The following CAST variants were observed in gnomAD, a reference collection of about 807,000 sequenced individuals.
The protein encoded by CAST is MIR583 host.
In CAST, 76 loss-of-function variants were observed where a neutral mutation model predicts 119.6. The observed-to-expected ratio is 0.64, with a 90% CI of 0.53 to 0.77. CAST has a LOEUF of 0.77. Ranked by LOEUF, CAST falls within the 30% of genes least tolerant of loss-of-function variation. The pLI, the probability that CAST is intolerant of heterozygous loss-of-function variation, is 0.00. For synonymous variants in CAST, 319 were observed against 331.6 expected, an observed-to-expected ratio of 0.96 and a Z score of 0.41; for missense variants, 953 against 946.5, an observed-to-expected ratio of 1.01 and a Z score of -0.09.
chr5:96,550,509 T>A (rs1746108121), intron 1 of CAST, among the ~76,000 whole-genome samples: 1 of 152,138 alleles, frequency 6.6e-6, no homozygotes, highest in Non-Finnish European at 1.5e-5. Context: ...CCTCTTCTCC[T>A]CCAAAGGAAC....
At chr5:96,015,075 G>C in the CAST span, among the ~76,000 whole-genome samples, 2 of 152,164 alleles carry the variant, frequency 1.3e-5, no homozygotes, top group Non-Finnish European at 2.9e-5. Flanking sequence ...GAGAAGCTAA[G>C]TAACTTCTCT....
At chr5:96,154,227 A>G in the CAST span, among the ~76,000 whole-genome samples, 8 of 151,954 alleles carry the variant, frequency 5.3e-5, no homozygotes, top group African/African-American at 1.9e-4. Flanking sequence ...GCAGTGAGCC[A>G]AGATAGCGCC....
At chr5:96,502,813 T>C in the CAST span, among the ~76,000 whole-genome samples, 4 of 152,204 alleles carry the variant, frequency 2.6e-5, no homozygotes, top group Non-Finnish European at 4.4e-5. Flanking sequence ...GATTAATCAA[T>C]ATGACTCCAA....
chr5:96,547,917 T>A (rs1174096403), intron 1 of CAST, among the ~76,000 whole-genome samples: 1 of 152,226 alleles, frequency 6.6e-6, no homozygotes, highest in East Asian at 1.9e-4. Context: ...AGATCCAATA[T>A]GGGAATTCTG....
chr5:96,410,168 C>T, the CAST span, among the ~76,000 whole-genome samples: 599 of 152,232 alleles, frequency 3.9e-3, 4 homozygotes, highest in African/African-American at 0.014. Flanking sequence ...CCAGTAATTG[C>T]CCTTGGCCGT....
chr5:96,455,533 T>C, the CAST span, among the ~76,000 whole-genome samples: 1 of 152,244 alleles, frequency 6.6e-6, no homozygotes, highest in African/African-American at 2.4e-5. Flanking sequence ...ATCCATTTGC[T>C]ACTTAGTTGC....
chr5:96,017,771 G>T, the CAST span, among the ~76,000 whole-genome samples: 3 of 152,096 alleles, frequency 2.0e-5, no homozygotes, highest in African/African-American at 7.2e-5. Flanking sequence ...TTAAATTTTT[G>T]AATGTTGCTA....
chr5:96,459,003 G>A, the CAST span, among the ~76,000 whole-genome samples: 1 of 152,226 alleles, frequency 6.6e-6, no homozygotes, highest in African/African-American at 2.4e-5. Context: ...AAGATGGTTT[G>A]AAGGTAGAGA....
chr5:96,426,277 C>T, the CAST span, among the ~76,000 whole-genome samples: 1 of 152,094 alleles, frequency 6.6e-6, no homozygotes, highest in East Asian at 1.9e-4. Context: ...TTTCAGGGCT[C>T]CATGGCTGAA....
chr5:96,267,980 A>G, the CAST span, among the ~76,000 whole-genome samples: 1 of 152,208 alleles, frequency 6.6e-6, no homozygotes, highest in African/African-American at 2.4e-5. Flanking sequence ...TCTATTCTTT[A>G]TGATCTAAGA....
chr5:96,361,270 G>A, the CAST span, among the ~76,000 whole-genome samples: 73 of 152,308 alleles, frequency 4.8e-4, no homozygotes, highest in African/African-American at 1.6e-3. Flanking sequence ...GCTGGGCTCT[G>A]CGGGGGTGGG....
chr5:95,984,856 T>TATCAAAATATTAA, the CAST span, among the ~76,000 whole-genome samples: 85 of 152,340 alleles, frequency 5.6e-4, no homozygotes, highest in Non-Finnish European at 8.8e-4. Flanking sequence ...AAAGAGATAG[T>TATCAAAATATTAA]ATCAAAATAT....
chr5:96,223,312 G>C, the CAST span, among the ~76,000 whole-genome samples: 1 of 152,078 alleles, frequency 6.6e-6, no homozygotes, highest in Admixed American at 6.6e-5. Flanking sequence ...AATATTCAAG[G>C]TGATGTATTA....
chr5:96,527,613 C>T (rs145099438), upstream of CAST, among the ~76,000 whole-genome samples: 4 of 152,230 alleles, frequency 2.6e-5, no homozygotes, highest in East Asian at 7.7e-4. Flanking sequence ...TTAAGAAAAC[C>T]TAGAATAGTA....
intron 3 of CAST, among the ~76,000 whole-genome samples, chr5:96,713,980 C>CA (rs543047847): frequency 5.7e-4 from 86 of 151,470 alleles, no homozygotes; most frequent in African/African-American, 1.5e-3. Flanking sequence ...TCCAAAAAAA[C>CA]AAAAAAAACA....
At chr5:96,369,157 T>G in the CAST span, among the ~76,000 whole-genome samples, 1 of 151,602 alleles carries the variant, frequency 6.6e-6, no homozygotes, top group African/African-American at 2.4e-5. Flanking sequence ...ATATTTTTTC[T>G]ATTTCTGATT....
At chr5:96,075,164 C>A in the CAST span, among the ~76,000 whole-genome samples, 6 of 152,064 alleles carry the variant, frequency 3.9e-5, no homozygotes, top group Non-Finnish European at 8.8e-5. Flanking sequence ...AATATATGTT[C>A]GTCTTTTATT....
At chr5:96,095,950 C>T in the CAST span, among the ~76,000 whole-genome samples, 1 of 152,100 alleles carries the variant, frequency 6.6e-6, no homozygotes, top group African/African-American at 2.4e-5. Context: ...AACCATATTC[C>T]TCTTTGTTTT....
intron 1 of CAST, among the ~76,000 whole-genome samples, chr5:96,616,785 C>A (rs1182881059): frequency 2.0e-5 from 3 of 150,664 alleles, no homozygotes; most frequent in Admixed American, 6.6e-5. Flanking sequence ...CACACACACA[C>A]ACACACACAC....
Sources: allele counts gnomAD v4.1 joint callset (sites outside exome capture counted in the v4.1 genomes callset), GRCh38; gene constraint gnomAD v4.1.1; transcripts MANE v1.5; gene names NCBI Gene and HGNC (gene_info 2026-07-23, HGNC 2026-07-21).